ZNF385D: variants seen among roughly 807,000 people sequenced by gnomAD.
The protein encoded by ZNF385D is zinc finger protein 659.
A neutral mutation model predicts 35.8 loss-of-function variants in ZNF385D; 15 were observed. The ratio of observed to expected loss-of-function variants is 0.42; its 90% confidence interval spans 0.28 to 0.64. The LOEUF (loss-of-function observed/expected upper bound fraction) is 0.64, where lower values mean the gene tolerates loss of function less well. Among genes scored for constraint, ZNF385D ranks in the 30% least tolerant of loss-of-function variants. The pLI is 0.23. For synonymous variants in ZNF385D, 212 were observed against 186.8 expected (o/e 1.13, Z -1.10); for missense variants, 474 against 494.6 (o/e 0.96, Z 0.39).
intron 3 of ZNF385D, among the ~76,000 whole-genome samples, chr3:22,168,184 G>A (rs56952919): frequency 0.14 from 21,677 of 151,950 alleles, 1,640 homozygotes; most frequent in East Asian, 0.25. Context: ...TCCTCTGTAC[G>A]GGCCCACCCT....
At chr3:21,920,801 C>T (rs259513) in intron 3 of ZNF385D, among the ~76,000 whole-genome samples, 42,147 of 151,954 alleles carry the variant, frequency 0.28, 6,796 homozygotes, top group Admixed American at 0.43. Context: ...AGTTATTTCC[C>T]TGTTATGACA....
chr3:21,886,501 C>G (rs572034402), intron 3 of ZNF385D, among the ~76,000 whole-genome samples: 9 of 152,164 alleles, frequency 5.9e-5, no homozygotes, highest in Non-Finnish European at 1.2e-4. Context: ...CTCATTGTGA[C>G]TAACTCTGTT....
intron 2 of ZNF385D, among the ~76,000 whole-genome samples, chr3:22,221,763 G>C (rs990016863): frequency 6.6e-6 from 1 of 152,084 alleles, no homozygotes; most frequent in East Asian, 1.9e-4. Flanking sequence ...GCTAGTGCAA[G>C]GATTGAAAAA....
intron 4 of ZNF385D, among the ~76,000 whole-genome samples, chr3:21,442,886 A>AGTGTGTGTGTGT (rs4045435): frequency 0.014 from 2,077 of 147,236 alleles, 42 homozygotes; most frequent in African/African-American, 0.045. Flanking sequence ...TCTGTGTATA[A>AGTGTGTGTGTGT]GTGTGTGTGT....
chr3:21,839,204 A>AT (rs1490480065), intron 3 of ZNF385D, among the ~76,000 whole-genome samples: 1 of 152,004 alleles, frequency 6.6e-6, no homozygotes, highest in Non-Finnish European at 1.5e-5. Flanking sequence ...AGTCACTTCC[A>AT]TTTTTTTGGT....
chr3:22,072,779 A>G (rs1296772148), intron 3 of ZNF385D, among the ~76,000 whole-genome samples: 1 of 151,980 alleles, frequency 6.6e-6, no homozygotes, highest in Non-Finnish European at 1.5e-5. Flanking sequence ...GAAGGAAGGA[A>G]AAAGGGAATG....
At chr3:22,037,859 G>A (rs572418772) in intron 3 of ZNF385D, among the ~76,000 whole-genome samples, 2 of 152,202 alleles carry the variant, frequency 1.3e-5, no homozygotes, top group South Asian at 4.1e-4. Flanking sequence ...AAAACAGCAT[G>A]GTACTGGTAC....
At chr3:22,232,771 A>G (rs1288455612) in intron 2 of ZNF385D, among the ~76,000 whole-genome samples, 1 of 152,072 alleles carries the variant, frequency 6.6e-6, no homozygotes. Context: ...CATTTTCTTT[A>G]CCCAGTTTGT....
chr3:22,070,488 T>G (rs1052502302), intron 3 of ZNF385D, among the ~76,000 whole-genome samples: 1 of 152,132 alleles, frequency 6.6e-6, no homozygotes, highest in South Asian at 2.1e-4. Flanking sequence ...ACTTGCTTCA[T>G]TATCTCAAAT....
chr3:21,815,860 T>C (rs1292734205), intron 3 of ZNF385D, among the ~76,000 whole-genome samples: 5 of 152,134 alleles, frequency 3.3e-5, no homozygotes, highest in African/African-American at 9.7e-5. Flanking sequence ...TACCAACGCC[T>C]GGCAGAGACA....
chr3:22,295,728 G>A (rs893333205), intron 2 of ZNF385D, among the ~76,000 whole-genome samples: 7 of 151,980 alleles, frequency 4.6e-5, no homozygotes, highest in East Asian at 1.9e-4. Flanking sequence ...GTCTGACTTC[G>A]GATGTTTTAG....
At chr3:21,825,738 T>C (rs1467206237) in intron 3 of ZNF385D, among the ~76,000 whole-genome samples, 2 of 152,132 alleles carry the variant, frequency 1.3e-5, no homozygotes, top group Admixed American at 6.5e-5. Context: ...TCTCTCAAAT[T>C]ATGAAGGTTA....
In ZNF385D at chr3:22,313,205, C is replaced by A. The variant is rs28769622; in HGVS notation, c.106+59245G>T. Among the ~76,000 whole-genome samples the A allele has an allele frequency of 2.6e-3, 382 of 145,758 alleles. 2 individuals are homozygous for A. The highest frequency in any genetic ancestry group is 9.4e-3 in the African/African-American group (368 of 39,008). ...AAAGGTGGGAAATGAACAATGAGAA[C>A]ACATGGACACGGGAAGGGGAACATC... On this transcript the variant is annotated intron_variant, in intron 2 of 5. Transcript: ENST00000494108.
chr3:21,661,201 C>G (rs548983281), intron 2 of ZNF385D, among the ~76,000 whole-genome samples: 1 of 152,258 alleles, frequency 6.6e-6, no homozygotes, highest in Admixed American at 6.5e-5. Context: ...AATTATTTCC[C>G]ATTCGAATGC....
intron 2 of ZNF385D, among the ~76,000 whole-genome samples, chr3:22,341,635 A>G (rs1695423994): frequency 6.6e-6 from 1 of 152,186 alleles, no homozygotes; most frequent in African/African-American, 2.4e-5. Context: ...TATTCACTAT[A>G]AAACGTAAAT....
intron 3 of ZNF385D, among the ~76,000 whole-genome samples, chr3:21,936,326 G>A (rs955873872): frequency 4.6e-5 from 7 of 151,884 alleles, no homozygotes; most frequent in Admixed American, 6.6e-5. Flanking sequence ...TCATCTTAGC[G>A]TATTGAGGCT....
intron 4 of ZNF385D, among the ~76,000 whole-genome samples, chr3:21,449,753 C>T (rs1438161221): frequency 6.6e-6 from 1 of 152,098 alleles, no homozygotes; most frequent in Non-Finnish European, 1.5e-5. Flanking sequence ...ATGAAAAAGC[C>T]TTATCATGGA....
intron 3 of ZNF385D, among the ~76,000 whole-genome samples, chr3:22,165,307 A>C (rs575168724): frequency 4.6e-5 from 7 of 152,288 alleles, no homozygotes; most frequent in Non-Finnish European, 7.4e-5. Flanking sequence ...ACACGAAACT[A>C]TTCTTTAAAA....
intron 2 of ZNF385D, among the ~76,000 whole-genome samples, chr3:22,270,350 A>T (rs1454513908): frequency 6.6e-6 from 1 of 151,946 alleles, no homozygotes; most frequent in Admixed American, 6.6e-5. Flanking sequence ...GGGTTTTCAT[A>T]TACAGCTTTT....
Sources: allele counts gnomAD v4.1 joint callset (sites outside exome capture counted in the v4.1 genomes callset), GRCh38; gene constraint gnomAD v4.1.1; transcripts MANE v1.5; gene names NCBI Gene and HGNC (gene_info 2026-07-23, HGNC 2026-07-21).